The following TRIM2 variants were observed in gnomAD, a reference collection of about 807,000 sequenced individuals.
TRIM2 encodes the protein tripartite motif-containing protein 2.
In TRIM2, 20 loss-of-function variants were observed where a neutral mutation model predicts 75.2. The ratio of observed to expected loss-of-function variants is 0.27; its 90% CI spans 0.19 to 0.39. TRIM2 has a LOEUF of 0.39. Ranked by LOEUF, TRIM2 falls within the 10% of genes least tolerant of loss-of-function variation. The pLI, the probability that TRIM2 is intolerant of heterozygous loss-of-function variation, is 1.00. For synonymous variants in TRIM2, 373 were observed against 388.3 expected (o/e 0.96, Z 0.46); for missense variants, 660 against 990.8 (o/e 0.67, Z 4.48).
At chr4:153,240,817 G>A (rs540028038) in intron 1 of TRIM2, among the ~76,000 whole-genome samples, 9 of 152,288 alleles carry the variant, frequency 5.9e-5, no homozygotes, top group Admixed American at 1.3e-4. Flanking sequence ...GGTGGCTCAC[G>A]CCTGTAATCC....
chr4:153,199,409 A>G (rs1410253565), intron 1 of TRIM2, among the ~76,000 whole-genome samples: 1 of 152,236 alleles, frequency 6.6e-6, no homozygotes, highest in Non-Finnish European at 1.5e-5. Context: ...AATGTCAAAC[A>G]TAATCTGCAG....
rs376619155 is a variant in TRIM2 at position 153,295,705 on chromosome 4, C to T, written c.1179C>T (p.Thr393=). ...ELCKTGNAYL[T]AELSTPDGSV... ...GCAAAACCGGCAACGCCTACCTCAC[C>T]GCCGAACTGAGCACCCCCGACGGGA... The change falls in exon 6 of 12, where the codon ACC becomes ACT. Residue 393 remains threonine, a synonymous_variant. Coordinates refer to ENST00000338700, the MANE Select transcript of TRIM2 (RefSeq NM_015271.5). The surrounding 1 kb of genome is among the most constrained non-coding windows in gnomAD (Gnocchi z 7.2). The T allele has an allele frequency of 4.5e-5, 73 of 1,613,778 alleles. No homozygotes were observed. The Middle Eastern group carries it at 9.9e-4, about 22-fold the overall frequency.
At chr4:153,199,609 A>G (rs1248698627), upstream of TRIM2, among the ~76,000 whole-genome samples, 1 of 152,066 alleles carries the variant, frequency 6.6e-6, no homozygotes, top group Non-Finnish European at 1.5e-5. Flanking sequence ...TTTCATTTGC[A>G]TTGGAAAACA....
intron 6 of TRIM2, 45 bp from the exon 7 acceptor site, chr4:153,315,440 T>C: frequency 6.9e-7 from 1 of 1,451,806 alleles, no homozygotes; most frequent in Non-Finnish European, 9.4e-7. Flanking sequence ...CAGAGAAATC[T>C]AACCCTTTAG....
intron 2 of TRIM2, among the ~76,000 whole-genome samples, chr4:153,271,269 T>C (rs1756608917): frequency 6.6e-6 from 1 of 152,230 alleles, no homozygotes. Context: ...ATGGTAATTG[T>C]GTTTTATAGC....
intron 1 of TRIM2, among the ~76,000 whole-genome samples, chr4:153,244,165 C>G (rs927654571): frequency 5.5e-5 from 8 of 146,704 alleles, no homozygotes; most frequent in Non-Finnish European, 1.0e-4. Context: ...TCTTCTTCTT[C>G]TTCTTCTTCT....
chr4:153,332,393 C>T (rs1265184987), intron 11 of TRIM2, among the ~76,000 whole-genome samples: 1 of 152,058 alleles, frequency 6.6e-6, no homozygotes, highest in Non-Finnish European at 1.5e-5. Flanking sequence ...ATCTGTAATC[C>T]CAGCACTTTG....
At chr4:153,260,939 G>A (rs1483917560) in intron 1 of TRIM2, among the ~76,000 whole-genome samples, 1 of 152,048 alleles carries the variant, frequency 6.6e-6, no homozygotes, top group Non-Finnish European at 1.5e-5. Flanking sequence ...ATAATAGGCT[G>A]AAATTTTAAA....
intron 11 of TRIM2, among the ~76,000 whole-genome samples, chr4:153,334,341 C>A: frequency 6.7e-6 from 1 of 150,068 alleles, no homozygotes; most frequent in African/African-American, 2.4e-5. Context: ...AAGACATATC[C>A]ATAGATGGAT....
chr4:153,201,839 TC>T (rs1221728770), upstream of TRIM2, among the ~76,000 whole-genome samples: 1 of 152,226 alleles, frequency 6.6e-6, no homozygotes, highest in African/African-American at 2.4e-5. Context: ...CACGGGCGTG[TC>T]CTCAACCTTG....
chr4:153,214,841 G>T lies in TRIM2; in HGVS notation c.30+10281G>T, dbSNP rs1738050806. Among the ~76,000 whole-genome samples the T allele has an allele frequency of 2.0e-5, 3 of 152,156 alleles. No homozygotes were observed. The South Asian group carries it at 6.2e-4, about 32-fold the overall frequency. Reference sequence around the variant, plus strand: ...ATACTAGGTGTTTTTTATTTTCTGAGGATTTTGGAAACTACTAGAAAACAC... The same window carrying T: ...ATACTAGGTGTTTTTTATTTTCTGATGATTTTGGAAACTACTAGAAAACAC... On this transcript the variant is annotated intron_variant, in intron 1 of 11. Coordinates refer to ENST00000338700, the MANE Select transcript of TRIM2 (RefSeq NM_015271.5).
chr4:153,290,254 G>T (rs1312466460), intron 3 of TRIM2, among the ~76,000 whole-genome samples: 1 of 152,160 alleles, frequency 6.6e-6, no homozygotes. Flanking sequence ...CTTGGATTAA[G>T]AATTTTTTTC....
intron 1 of TRIM2, among the ~76,000 whole-genome samples, chr4:153,185,067 C>T (rs1293137259): frequency 2.0e-5 from 3 of 152,248 alleles, no homozygotes; most frequent in African/African-American, 7.2e-5. Context: ...GGAATCTCGA[C>T]ATTCTTTCAG....
In TRIM2 at chr4:153,336,862, T is replaced by C. The variant is rs1772512019; in HGVS notation, c.*1896T>C. On this transcript the variant is annotated 3_prime_UTR_variant, in exon 12 of 12. Coordinates refer to ENST00000338700, the MANE Select transcript of TRIM2 (RefSeq NM_015271.5). Reference sequence around the variant, plus strand: ...TTTAGTTAGGTAGAGTTTTAAAAAATACTTGAGCCTGTCCGTGATAAAGCT... The same window carrying C: ...TTTAGTTAGGTAGAGTTTTAAAAAACACTTGAGCCTGTCCGTGATAAAGCT... 6.1e-6 allele frequency: 6 copies of C among 985,222 alleles called. No homozygotes were observed. In the South Asian group the frequency reaches 1.9e-4, roughly 31 times the overall value. 61.0% of individuals were successfully genotyped at this position (985,222 alleles called of 1,614,324 possible).
intron 3 of TRIM2, among the ~76,000 whole-genome samples, chr4:153,276,676 T>C (rs1241107721): frequency 6.6e-6 from 1 of 152,218 alleles, no homozygotes; most frequent in Non-Finnish European, 1.5e-5. Flanking sequence ...GTGGGTACCA[T>C]CAAGTAACTG....
At chr4:153,272,670 C>T (rs1033997890) in intron 2 of TRIM2, among the ~76,000 whole-genome samples, 3 of 150,702 alleles carry the variant, frequency 2.0e-5, no homozygotes, top group African/African-American at 7.3e-5. Context: ...AGGGTTTCTC[C>T]ATGTTGCCCA....
At chr4:153,320,366 A>T (rs547886280) in intron 8 of TRIM2, among the ~76,000 whole-genome samples, 1 of 152,352 alleles carries the variant, frequency 6.6e-6, no homozygotes, top group Admixed American at 6.5e-5. Flanking sequence ...GCAAAGTCCC[A>T]TCCTGCTACT....
At chr4:153,311,605 A>G (rs1414022104) in intron 6 of TRIM2, among the ~76,000 whole-genome samples, 2 of 151,920 alleles carry the variant, frequency 1.3e-5, no homozygotes, top group Admixed American at 1.3e-4. Context: ...TTTCAATTTT[A>G]TATAAGCAAG....
At chr4:153,234,310 G>A (rs1287642606) in intron 1 of TRIM2, among the ~76,000 whole-genome samples, 1 of 152,210 alleles carries the variant, frequency 6.6e-6, no homozygotes, top group Non-Finnish European at 1.5e-5. Flanking sequence ...TGATTCAGGG[G>A]TGGGAGGAAA....
Sources: gnomAD v4.1 joint callset for allele counts (sites outside exome capture counted in the v4.1 genomes callset) on GRCh38, gnomAD v4.1.1 for gene constraint, Gnocchi (gnomAD v3.1) non-coding constraint, MANE v1.5 for transcripts, NCBI Gene and HGNC (gene_info 2026-07-23, HGNC 2026-07-21) for gene names.